Variants in CORO2B observed in about 807,000 individuals in gnomAD.
CORO2B encodes the protein coronin-2B.
In CORO2B, 26 loss-of-function variants were observed where a neutral mutation model predicts 58.8. That is an observed-to-expected ratio of 0.44 (90% CI 0.32 to 0.61). The LOEUF is 0.61. Among genes scored for constraint, CORO2B ranks in the 20% least tolerant of loss-of-function variants. The probability of loss-of-function intolerance (pLI) is 0.04; values close to 1 mark genes in which losing one functional copy is unlikely to be tolerated. For synonymous variants in CORO2B, 242 were observed against 253.8 expected, an observed-to-expected ratio of 0.95 and a Z score of 0.44; for missense variants, 460 against 645.1, an observed-to-expected ratio of 0.71 and a Z score of 3.11.
chr15:68,715,182 C>T (rs373561139), intron 7 of CORO2B, 33 bp from the exon 8 acceptor site: 2 of 1,593,724 alleles, frequency 1.3e-6, no homozygotes, highest in South Asian at 1.1e-5. Context: ...CCCTACCTGC[C>T]ACCTTCCTCA....
intron 2 of CORO2B, among the ~76,000 whole-genome samples, chr15:68,683,102 A>C (rs1902842667): frequency 6.6e-6 from 1 of 152,218 alleles, no homozygotes; most frequent in Non-Finnish European, 1.5e-5. Context: ...TGGGCCAAAA[A>C]GCGAAGGGCA....
At chr15:68,665,822 T>G (rs1902174266) in intron 2 of CORO2B, among the ~76,000 whole-genome samples, 3 of 152,244 alleles carry the variant, frequency 2.0e-5, no homozygotes, top group African/African-American at 7.2e-5. Flanking sequence ...ATACTAATTT[T>G]CAGTGGTTTC....
intron 2 of CORO2B, among the ~76,000 whole-genome samples, chr15:68,672,159 G>GGGGTGTGTGTGTGTGT (rs1555415403): frequency 4.8e-5 from 7 of 146,178 alleles, no homozygotes; most frequent in African/African-American, 1.3e-4. Flanking sequence ...GTAATCGGGA[G>GGGGTGTGTGTGTGTGT]GTGTGTGTGT....
chr15:68,697,172 A>AGATG, intron 3 of CORO2B, among the ~76,000 whole-genome samples: 1 of 150,466 alleles, frequency 6.6e-6, no homozygotes, highest in South Asian at 2.1e-4. Context: ...TTGGATGGAT[A>AGATG]GATGGATGGA....
intron 1 of CORO2B, among the ~76,000 whole-genome samples, chr15:68,629,911 T>A (rs62002133): frequency 0.13 from 20,291 of 152,096 alleles, 1,435 homozygotes; most frequent in Non-Finnish European, 0.16. Flanking sequence ...AGCACCCCAG[T>A]AGAAAGAGTC....
At chr15:68,703,991 C>A (rs1015932259) in intron 3 of CORO2B, among the ~76,000 whole-genome samples, 1 of 149,956 alleles carries the variant, frequency 6.7e-6, no homozygotes, top group Non-Finnish European at 1.5e-5. Context: ...CTCAGGAGTT[C>A]GAGACCAACC....
chr15:68,667,653 A>G lies in CORO2B; in HGVS notation c.216+22293A>G, dbSNP rs544215882. On this transcript the variant is annotated intron_variant, in intron 2 of 11. Coordinates refer to ENST00000261861, the MANE Select transcript of CORO2B (RefSeq NM_006091.5). ...GGCCCTGTGGATAAGCCAGGTTTGCACTGGGCCTCTCTATTCACTACCTCC... is the reference window on the plus strand; with the variant it reads ...GGCCCTGTGGATAAGCCAGGTTTGCGCTGGGCCTCTCTATTCACTACCTCC... Among the ~76,000 whole-genome samples the G allele has an allele frequency of 1.1e-4, 17 of 152,322 alleles. No homozygotes were observed. The East Asian group carries it at 2.3e-3, about 21-fold the overall frequency.
intron 3 of CORO2B, among the ~76,000 whole-genome samples, chr15:68,702,821 C>CTTTTTTTTTTTTTTT (rs113249272): frequency 1.7e-4 from 16 of 96,256 alleles, no homozygotes; most frequent in Non-Finnish European, 2.7e-4. Flanking sequence ...TTTTCTTTTT[C>CTTTTTTTTTTTTTTT]TTTTTTTTTT....
At position 68,645,810 on chromosome 15, in the gene CORO2B, G is replaced by A. The variant is rs1384657426; in HGVS notation, c.216+450G>A. ...TTTTTTTGAGATGGAGTCTTGCTCT[G>A]TCGTCCAGGCTGAAGTTCAATGGCG... On this transcript the variant is annotated intron_variant, in intron 2 of 11. Coordinates refer to ENST00000261861, the MANE Select transcript of CORO2B (RefSeq NM_006091.5). The surrounding 1 kb of genome is among the most constrained non-coding windows in gnomAD (Gnocchi z 4.5). 2.0e-5 allele frequency among the ~76,000 whole-genome samples: 3 copies of A among 151,728 alleles called. No individual in the cohort carries two copies. The highest frequency in any genetic ancestry group is 4.4e-5 in the Non-Finnish European group (3 of 67,964).
At chr15:68,635,224 G>A (rs1016622219) in intron 1 of CORO2B, among the ~76,000 whole-genome samples, 38 of 152,164 alleles carry the variant, frequency 2.5e-4, no homozygotes, top group African/African-American at 8.7e-4. Context: ...CAGACTTTGG[G>A]CTAAGGGGGT....
At chr15:68,598,335 G>A (rs760328717) in intron 1 of CORO2B, among the ~76,000 whole-genome samples, 38 of 152,234 alleles carry the variant, frequency 2.5e-4, no homozygotes, top group Non-Finnish European at 5.3e-4. Flanking sequence ...CTGTGTGTGT[G>A]CACGTAAGCG....
chr15:68,723,189 T>G (rs1320102238), intron 11 of CORO2B, among the ~76,000 whole-genome samples: 1 of 150,860 alleles, frequency 6.6e-6, no homozygotes, highest in Non-Finnish European at 1.5e-5. Context: ...TGGCACAATC[T>G]TGACTCACTG....
chr15:68,715,558 A>G (rs558123511), intron 8 of CORO2B, among the ~76,000 whole-genome samples: 3 of 152,136 alleles, frequency 2.0e-5, no homozygotes, highest in East Asian at 3.9e-4. Context: ...CTGCGTCTGC[A>G]CTCCTGATCG....
intron 1 of CORO2B, among the ~76,000 whole-genome samples, chr15:68,594,352 C>G (rs569894570): frequency 6.6e-6 from 1 of 152,344 alleles, no homozygotes; most frequent in East Asian, 1.9e-4. Flanking sequence ...TTTCTAGGAA[C>G]AGCAAGCTGT....
chr15:68,714,780 G>A (rs1892993792), intron 7 of CORO2B, 117 bp downstream of exon 7: 3 of 763,380 alleles, frequency 3.9e-6, no homozygotes, highest in African/African-American at 1.7e-5. Context: ...AAGTTCCTGG[G>A]CCTCACCTTT....
At chr15:68,604,662 C>T (rs1900063492) in intron 1 of CORO2B, among the ~76,000 whole-genome samples, 2 of 151,666 alleles carry the variant, frequency 1.3e-5, no homozygotes, top group South Asian at 4.1e-4. Context: ...GCCCCAATTC[C>T]TCATCCCAGC....
At position 68,653,785 on chromosome 15, in the gene CORO2B, C is replaced by T. The variant is rs961839432; in HGVS notation, c.216+8425C>T. On this transcript the variant is annotated intron_variant, in intron 2 of 11. Coordinates refer to ENST00000261861, the MANE Select transcript of CORO2B (RefSeq NM_006091.5). ...GTTTGCTTACCCAAAGCCTTCGTTC[C>T]CATTCCAGATTTCTGTAACACCCCA... Among the ~76,000 whole-genome samples, 8 of 152,176 alleles carry T rather than the reference C, an allele frequency of 5.3e-5. No individual in the cohort carries two copies. In the South Asian group the frequency reaches 6.2e-4, roughly 12 times the overall value.
intron 1 of CORO2B, among the ~76,000 whole-genome samples, chr15:68,602,407 TCACACACACA>T (rs370587519): frequency 4.2e-4 from 58 of 139,056 alleles, no homozygotes; most frequent in Admixed American, 8.7e-4. Flanking sequence ...TAGGGGCTGA[TCACACACACA>T]CACACACACA....
chr15:68,550,774 A>G, the CORO2B span, among the ~76,000 whole-genome samples: 1 of 152,210 alleles, frequency 6.6e-6, no homozygotes, highest in African/African-American at 2.4e-5. Flanking sequence ...GCCAGAACAC[A>G]TCTGAGATGC....
Sources: allele counts gnomAD v4.1 joint callset (sites outside exome capture counted in the v4.1 genomes callset), GRCh38; gene constraint gnomAD v4.1.1; non-coding constraint Gnocchi (gnomAD v3.1); transcripts MANE v1.5; gene names NCBI Gene and HGNC (gene_info 2026-07-23, HGNC 2026-07-21).